RASAL1: variants seen among roughly 807,000 people sequenced by gnomAD.
RASAL1 encodes the protein RAS protein activator like 1, also known as rasGAP-activating-like protein 1.
A neutral mutation model predicts 96.6 loss-of-function variants in RASAL1; 72 were observed. The observed-to-expected ratio is 0.75, with a 90% CI of 0.62 to 0.91. The LOEUF (loss-of-function observed/expected upper bound fraction) is 0.91, where lower values mean the gene tolerates loss of function less well. RASAL1 is among the 40% of genes least tolerant of loss of function. The pLI is 0.00. For missense variants in RASAL1, 1,016 were observed against 1,072.5 expected, an observed-to-expected ratio of 0.95 and a Z score of 0.74; for synonymous variants, 405 against 430.4, an observed-to-expected ratio of 0.94 and a Z score of 0.73.
At chr12:113,111,558 T>G (rs771204244) in intron 13 of RASAL1, among the ~76,000 whole-genome samples, 5 of 152,076 alleles carry the variant, frequency 3.3e-5, no homozygotes, top group Non-Finnish European at 7.4e-5. Flanking sequence ...TCAGGCTACA[T>G]AGAGTGTTAG....
rs1433122638 is a variant in RASAL1, at chr12:113,099,944, G to C, written c.2403C>G (p.Gly801=). Reference sequence around the variant, plus strand: ...TGGCATTTCCTTAGGGGCCAAGGGGGCCCAGGGCCGCCTTCCCTCGCTCCT... The same window carrying C: ...TGGCATTTCCTTAGGGGCCAAGGGGCCCCAGGGCCGCCTTCCCTCGCTCCT... ...QQQERGKAAL[G]PLGP Residue 801 remains glycine, a synonymous_variant, in exon 21 of 21, where the codon GGC becomes GGG. Transcript: ENST00000548055. 2 of 1,612,000 alleles carry C rather than the reference G, an allele frequency of 1.2e-6. No homozygotes were observed. The highest frequency in any genetic ancestry group is 1.7e-5 in the Admixed American group (1 of 59,988).
chr12:113,125,327 A>G (rs1422327176), intron 4 of RASAL1, among the ~76,000 whole-genome samples: 1 of 152,188 alleles, frequency 6.6e-6, no homozygotes, highest in Non-Finnish European at 1.5e-5. Context: ...TAAGAGACAA[A>G]TGGAGAAAAA....
Position 113,114,903 on chromosome 12 carries a change from T to C in RASAL1, c.1078A>G (p.Met360Val), listed in dbSNP as rs1951017919. The C allele has an allele frequency of 1.1e-5, 17 of 1,613,676 alleles. No homozygotes were observed. The highest frequency in any genetic ancestry group is 1.4e-5 in the Non-Finnish European group (16 of 1,179,804). Residue 360 changes from methionine (M) to valine (V), a missense_variant, in exon 12 of 21, where the codon ATG becomes GTG. By Grantham distance (21) the Met-to-Val change is conservative. Coordinates refer to ENST00000548055, the MANE Select transcript of RASAL1 (RefSeq NM_001301202.2). ...SMEQFMKLVGMPYLHEVLKPV... is the reference protein window; with the variant it reads ...SMEQFMKLVGVPYLHEVLKPV... ...TTCAGGACCTCGTGCAGGTAGGGCATGCCCACGAGCTGGGGGCAGGGGGCA... is the reference window on the plus strand; with the variant it reads ...TTCAGGACCTCGTGCAGGTAGGGCACGCCCACGAGCTGGGGGCAGGGGGCA...
chr12:113,132,995 G>A (rs1566076079), intron 1 of RASAL1, among the ~76,000 whole-genome samples: 1 of 151,992 alleles, frequency 6.6e-6, no homozygotes, highest in Admixed American at 6.6e-5. Flanking sequence ...TCCTTCCCTG[G>A]GTTCTCCACC....
At chr12:113,122,426 C>T (rs7314336) in intron 4 of RASAL1, among the ~76,000 whole-genome samples, 10,593 of 152,232 alleles carry the variant, frequency 0.07, 522 homozygotes, top group Non-Finnish European at 0.11. Flanking sequence ...CAGGCTTAAG[C>T]GATCCTCCTG....
intron 2 of RASAL1, among the ~76,000 whole-genome samples, chr12:113,128,798 A>G (rs1951590755): frequency 6.6e-6 from 1 of 152,186 alleles, no homozygotes. Context: ...GACACCAGAC[A>G]CATGCAGATA....
chr12:113,108,314 A>G, intron 13 of RASAL1, 92 bp from the exon 14 acceptor site: 1 of 1,430,636 alleles, frequency 7.0e-7, no homozygotes, highest in African/African-American at 1.5e-5. Flanking sequence ...TTCGTGGTGC[A>G]AAGAGAAGTA....
chr12:113,125,690 T>C (rs1951456040), intron 4 of RASAL1, among the ~76,000 whole-genome samples: 1 of 152,178 alleles, frequency 6.6e-6, no homozygotes, highest in Non-Finnish European at 1.5e-5. Flanking sequence ...TGGAGGGTAA[T>C]TTAGCAACAA....
chr12:113,115,326 C>G lies in RASAL1; in HGVS notation c.1004-62G>C. ...GGAGCTGAACCCAGCTCACCCCACT[C>G]ACCCAAGGTGGGAGTCATGATTCTT... On this transcript the variant is annotated intron_variant, in intron 10 of 20. Transcript: ENST00000548055. This position sits in a 1 kb window ranked among gnomAD's most constrained non-coding sequence, Gnocchi z 4.1. 2 of 1,444,226 alleles carry G rather than the reference C, an allele frequency of 1.4e-6. No homozygotes were observed. The highest frequency in any genetic ancestry group is 1.9e-6 in the Non-Finnish European group (2 of 1,025,676). The allele number at this position is 1,444,226 out of a possible 1,614,324, so 89.5% of individuals were successfully genotyped here.
rs1951194975 is a variant in RASAL1, at chr12:113,119,199, C to G, written c.571G>C (p.Gly191Arg). Residue 191 changes from glycine (G) to arginine (R), a missense_variant, in exon 7 of 21, where the codon GGT (glycine) becomes CGT (arginine). Transcript: ENST00000548055. The part of the protein sequence containing the change: ...DEVLELREMP[G>R]APSPLRVELW... ...TCCACCCGCAGTGGGGACGGGGCAC[C>G]TGGCATCTCCCGCAGCTCCAGCACT... 1 of 1,614,088 alleles carries G rather than the reference C, an allele frequency of 6.2e-7. No individual in the cohort carries two copies. Among genetic ancestry groups the G allele is most frequent in the Non-Finnish European group, 8.5e-7 (1 of 1,179,958 alleles).
In RASAL1 at chr12:113,131,241, C is replaced by T. The variant is rs1377699434; in HGVS notation, c.66-300G>A. On this transcript the variant is annotated intron_variant, in intron 1 of 20. Coordinates refer to ENST00000548055, the MANE Select transcript of RASAL1 (RefSeq NM_001301202.2). ...AAAAGCCCAAAGCAGAGGCCCAGAG[C>T]GTGTGTGGGGGGGGTGGGGGGGTCT... 8.5e-5 allele frequency among the ~76,000 whole-genome samples: 3 copies of T among 35,370 alleles called. No individual in the cohort carries two copies. The East Asian group carries it at 2.4e-3, about 29-fold the overall frequency. The allele number at this position is 35,370 out of a possible 152,430, so 23.2% of individuals were successfully genotyped here.
Position 113,130,029 on chromosome 12 carries a change from C to T in RASAL1, c.122+856G>A, listed in dbSNP as rs1052695986. Among the ~76,000 whole-genome samples, 2 of 152,052 alleles carry T rather than the reference C, an allele frequency of 1.3e-5. No homozygotes were observed. Among genetic ancestry groups the T allele is most frequent in the African/African-American group, 4.8e-5 (2 of 41,392 alleles). On this transcript the variant is annotated intron_variant, in intron 2 of 20. Coordinates refer to ENST00000548055, the MANE Select transcript of RASAL1 (RefSeq NM_001301202.2). The surrounding 1 kb of genome is among the most constrained non-coding windows in gnomAD (Gnocchi z 5.1). ...GAGTCAGTGGAGGGGGGAGCTACAG[C>T]TGACCCCTCCCCCAGGCAGGCTCCC...
rs1045422629 is a variant in RASAL1 at position 113,099,971 on chromosome 12, C to A, written c.2376G>T (p.Gln792His). The A allele has an allele frequency of 1.9e-6, 3 of 1,613,580 alleles. No homozygotes were observed. Among genetic ancestry groups the A allele is most frequent in the Non-Finnish European group, 2.5e-6 (3 of 1,179,730 alleles). Residue 792 changes from glutamine to histidine, a missense_variant, in exon 21 of 21, where the codon CAG becomes CAT. Gln to His is a conservative substitution (Grantham distance 24). Coordinates refer to ENST00000548055, the MANE Select transcript of RASAL1 (RefSeq NM_001301202.2). ...DLDRAHEEFQ[Q>H]QERGKAALGP... ...CCAGGGCCGCCTTCCCTCGCTCCTG[C>A]TGCTGGAACTCCTCGTGGGCACGAT...
At chr12:113,127,411 C>A (rs1166652455) in intron 4 of RASAL1, among the ~76,000 whole-genome samples, 1 of 152,018 alleles carries the variant, frequency 6.6e-6, no homozygotes, top group Admixed American at 6.6e-5. Flanking sequence ...TTTGGGAGGC[C>A]AAGGTGGGAG....
At chr12:113,103,734 G>A (rs759004613) in intron 18 of RASAL1, 5 of 672,230 alleles carry the variant, frequency 7.4e-6, no homozygotes, top group Non-Finnish European at 1.3e-5. Context: ...GCCAAGCAGC[G>A]TCCTATGCTC....
rs1037402622 is a variant in RASAL1 at position 113,127,891 on chromosome 12, C to T, written c.237-18G>A. 2.5e-6 allele frequency: 4 copies of T among 1,612,170 alleles called. No individual in the cohort carries two copies. Among genetic ancestry groups the T allele is most frequent in the African/African-American group, 1.3e-5 (1 of 74,888 alleles). On this transcript the variant is annotated intron_variant, in intron 3 of 20. Transcript: ENST00000548055. ...CGTCGTGCCTGCAGGAAGGCGGGCACGTGAAGGTCTGAGTCAGGGGCCCCT... is the reference window on the plus strand; with the variant it reads ...CGTCGTGCCTGCAGGAAGGCGGGCATGTGAAGGTCTGAGTCAGGGGCCCCT...
chr12:113,119,287 T>C, intron 6 of RASAL1, 28 bp from the exon 7 acceptor site: 1 of 1,611,160 alleles, frequency 6.2e-7, no homozygotes, highest in Admixed American at 1.7e-5. Context: ...GGTCTGTGAG[T>C]GGGAGAGCTG....
intron 19 of RASAL1, 63 bp downstream of exon 19, chr12:113,101,826 C>A: frequency 6.4e-7 from 1 of 1,571,800 alleles, no homozygotes; most frequent in Admixed American, 1.8e-5. Flanking sequence ...CACAGCAAGG[C>A]CACGGTGGGG....
At chr12:113,101,491 A>C (rs772919283) in intron 19 of RASAL1, among the ~76,000 whole-genome samples, 3 of 152,224 alleles carry the variant, frequency 2.0e-5, no homozygotes, top group Non-Finnish European at 4.4e-5. Flanking sequence ...TTGAACCCAG[A>C]CAGGTCAGCT....
Sources: allele counts gnomAD v4.1 joint callset (sites outside exome capture counted in the v4.1 genomes callset), GRCh38; gene constraint gnomAD v4.1.1; non-coding constraint Gnocchi (gnomAD v3.1); transcripts MANE v1.5; gene names NCBI Gene and HGNC (gene_info 2026-07-23, HGNC 2026-07-21).